Variants in KALRN observed in about 807,000 individuals in gnomAD.
The protein encoded by KALRN is kalirin.
Under a neutral mutation model 353.7 loss-of-function variants are expected in KALRN, and 70 were observed. The ratio of observed to expected loss-of-function variants is 0.20; its 90% CI spans 0.16 to 0.24. The LOEUF is 0.24. KALRN is among the 10% of genes least tolerant of loss of function. KALRN has a pLI of 1.00. For missense variants in KALRN, 2,791 were observed against 3,756.7 expected, an observed-to-expected ratio of 0.74 and a Z score of 6.72; for synonymous variants, 1,391 against 1,434.8, an observed-to-expected ratio of 0.97 and a Z score of 0.69.
At chr3:124,483,178 G>A (rs541106142) in intron 28 of KALRN, among the ~76,000 whole-genome samples, 1 of 152,356 alleles carries the variant, frequency 6.6e-6, no homozygotes, top group Non-Finnish European at 1.5e-5. Context: ...CTCAGGCACT[G>A]ACTGGCTCCT....
intron 19 of KALRN, among the ~76,000 whole-genome samples, chr3:124,443,580 A>G (rs1414413625): frequency 6.6e-6 from 1 of 152,212 alleles, no homozygotes; most frequent in Non-Finnish European, 1.5e-5. Context: ...TTCTTCCAGC[A>G]CATTTGAAAG....
intron 37 of KALRN, among the ~76,000 whole-genome samples, chr3:124,647,777 C>T (rs2082944108): frequency 6.6e-6 from 1 of 152,170 alleles, no homozygotes; most frequent in Non-Finnish European, 1.5e-5. Context: ...GAAAGCCATG[C>T]AGGGAGTATG....
chr3:124,153,051 C>A (rs1020473267), intron 1 of KALRN: 23 of 208,552 alleles, frequency 1.1e-4, no homozygotes, highest in Admixed American at 4.9e-4. Flanking sequence ...ACAGCAGGAA[C>A]CTTCTTCTTT....
intron 1 of KALRN, among the ~76,000 whole-genome samples, chr3:124,191,920 G>A (rs1250478386): frequency 6.6e-6 from 1 of 152,218 alleles, no homozygotes; most frequent in Non-Finnish European, 1.5e-5. Flanking sequence ...GGGAGGACTA[G>A]GGAACAATTT....
intron 37 of KALRN, among the ~76,000 whole-genome samples, chr3:124,646,682 C>T (rs1206864182): frequency 1.4e-5 from 2 of 139,778 alleles, no homozygotes; most frequent in Admixed American, 1.5e-4. Context: ...TGAGCCACTG[C>T]GCCCGGCCTC....
chr3:124,457,567 C>A (rs955972937), intron 23 of KALRN, among the ~76,000 whole-genome samples: 1 of 152,230 alleles, frequency 6.6e-6, no homozygotes, highest in Non-Finnish European at 1.5e-5. Flanking sequence ...CCAGCACCTA[C>A]ACTTTTTATG....
chr3:124,192,024 C>T (rs1007932161), intron 1 of KALRN, among the ~76,000 whole-genome samples: 3 of 152,172 alleles, frequency 2.0e-5, no homozygotes, highest in Admixed American at 2.0e-4. Context: ...ACAAGTGACC[C>T]CCTAGGGGAC....
At chr3:124,428,904 G>A (rs772135850) in intron 15 of KALRN, among the ~76,000 whole-genome samples, 1 of 152,134 alleles carries the variant, frequency 6.6e-6, no homozygotes, top group Non-Finnish European at 1.5e-5. Flanking sequence ...AGACATTGAT[G>A]TGTGATGCAC....
chr3:124,700,622 C>T (rs1168167329), intron 56 of KALRN, among the ~76,000 whole-genome samples: 1 of 152,140 alleles, frequency 6.6e-6, no homozygotes, highest in Non-Finnish European at 1.5e-5. Flanking sequence ...AAAACATCTT[C>T]GTCCCAGGGA....
intron 33 of KALRN, among the ~76,000 whole-genome samples, chr3:124,509,359 C>T (rs1354289551): frequency 6.6e-6 from 1 of 152,188 alleles, no homozygotes; most frequent in Non-Finnish European, 1.5e-5. Flanking sequence ...CAGGTGCACA[C>T]CACCACGCCC....
intron 1 of KALRN, among the ~76,000 whole-genome samples, chr3:124,103,270 G>A (rs568358539): frequency 1.2e-4 from 18 of 152,292 alleles, no homozygotes; most frequent in African/African-American, 3.8e-4. Context: ...GTGAGGTCCC[G>A]GTGTGGTGTT....
chr3:124,571,987 A>G (rs1350844088), intron 34 of KALRN, among the ~76,000 whole-genome samples: 10 of 151,768 alleles, frequency 6.6e-5, no homozygotes, highest in Admixed American at 6.6e-4. Flanking sequence ...TTGAGGTCCA[A>G]TTTTTTAATT....
At chr3:124,144,487 C>T (rs946616338) in intron 1 of KALRN, among the ~76,000 whole-genome samples, 2 of 152,080 alleles carry the variant, frequency 1.3e-5, no homozygotes, top group African/African-American at 2.4e-5. Flanking sequence ...TCACCATCAT[C>T]CTCGTCCTCC....
intron 51 of KALRN, among the ~76,000 whole-genome samples, chr3:124,682,426 C>T (rs1309557342): frequency 1.3e-5 from 2 of 152,182 alleles, no homozygotes; most frequent in Admixed American, 1.3e-4. Flanking sequence ...ATAATGGGAC[C>T]ATGCACCCTG....
intron 6 of KALRN, among the ~76,000 whole-genome samples, chr3:124,317,551 C>A (rs764667715): frequency 6.6e-6 from 1 of 152,038 alleles, no homozygotes; most frequent in African/African-American, 2.4e-5. Context: ...CTCCTAACTG[C>A]AGAGATTCTC....
chr3:124,559,963 C>G (rs1218526325), intron 33 of KALRN, among the ~76,000 whole-genome samples: 2 of 152,174 alleles, frequency 1.3e-5, no homozygotes, highest in Non-Finnish European at 2.9e-5. Context: ...AAGAAATTGC[C>G]CATTGATCTT....
intron 1 of KALRN, among the ~76,000 whole-genome samples, chr3:124,100,150 C>T (rs759643659): frequency 3.9e-5 from 6 of 152,050 alleles, no homozygotes; most frequent in Non-Finnish European, 8.8e-5. Context: ...GGCGATATAA[C>T]GAGACTCAGT....
intron 11 of KALRN, among the ~76,000 whole-genome samples, chr3:124,385,763 C>T (rs2088170090): frequency 6.6e-6 from 1 of 152,082 alleles, no homozygotes; most frequent in South Asian, 2.1e-4. Context: ...TGGTTGCAAA[C>T]CTATGATTGC....
intron 33 of KALRN, among the ~76,000 whole-genome samples, chr3:124,531,404 A>C (rs559598297): frequency 6.6e-6 from 1 of 152,348 alleles, no homozygotes; most frequent in South Asian, 2.1e-4. Context: ...TCCAATTTAC[A>C]CCTTGAAGTA....
Sources: gnomAD v4.1 joint callset for allele counts (sites outside exome capture counted in the v4.1 genomes callset) on GRCh38, gnomAD v4.1.1 for gene constraint, MANE v1.5 for transcripts, NCBI Gene and HGNC (gene_info 2026-07-23, HGNC 2026-07-21) for gene names.